The following FREM1 variants were observed in gnomAD, a reference collection of about 807,000 sequenced individuals.
The protein encoded by FREM1 is FRAS1-related extracellular matrix protein 1.
A neutral mutation model predicts 210.1 loss-of-function variants in FREM1; 220 were observed. That is an observed-to-expected ratio of 1.05 (90% CI 0.94 to 1.17). FREM1 has a LOEUF of 1.17. Ranked by LOEUF, FREM1 falls within the 50% of genes most tolerant of loss-of-function variation. The probability of loss-of-function intolerance (pLI) is 0.00; values close to 1 mark genes in which losing one functional copy is unlikely to be tolerated. For missense variants in FREM1, 3,454 were observed against 2,675.5 expected (o/e 1.29, Z -6.42); for synonymous variants, 1,189 against 980.2 (o/e 1.21, Z -3.98).
At position 14,750,215 on chromosome 9, in the gene FREM1, C is replaced by T; in HGVS notation, c.5469G>A (p.Glu1823=). ...ITYDGLEEDD[E]VFEVILNSPV... ...GGGAGTTCAGAATTACTTCAAAGAC[C>T]TCATCATCTTCCTCTAATCCGTCAT... The change falls in exon 30 of 37, where the codon GAG becomes GAA. Residue 1823 remains glutamate, a synonymous_variant. Transcript: ENST00000380880. 6.2e-7 allele frequency: 1 copy of T among 1,613,246 alleles called. No homozygotes were observed. Among genetic ancestry groups the T allele is most frequent in the Non-Finnish European group, 8.5e-7 (1 of 1,179,296 alleles).
intron 1 of FREM1, among the ~76,000 whole-genome samples, chr9:14,875,058 C>A (rs1211652079): frequency 2.0e-5 from 3 of 152,186 alleles, no homozygotes; most frequent in Non-Finnish European, 2.9e-5. Context: ...GATGGGCTTC[C>A]CTTTGTGGAT....
At chr9:14,787,220 G>A (rs1379486399) in intron 23 of FREM1, among the ~76,000 whole-genome samples, 1 of 151,902 alleles carries the variant, frequency 6.6e-6, no homozygotes, top group Non-Finnish European at 1.5e-5. Context: ...AACAATTATG[G>A]CTACAAAGTT....
chr9:14,786,732 T>C (rs1358483119), intron 23 of FREM1, among the ~76,000 whole-genome samples: 2 of 152,232 alleles, frequency 1.3e-5, no homozygotes, highest in African/African-American at 2.4e-5. Context: ...GGTCTTTTCA[T>C]ATACTATGCT....
chr9:14,888,108 T>A (rs1025292743), intron 1 of FREM1, among the ~76,000 whole-genome samples: 1 of 152,196 alleles, frequency 6.6e-6, no homozygotes, highest in Non-Finnish European at 1.5e-5. Context: ...AAAACCAACA[T>A]TTATACGTGT....
intron 29 of FREM1, among the ~76,000 whole-genome samples, chr9:14,755,987 T>C (rs1308498391): frequency 1.3e-5 from 2 of 152,216 alleles, no homozygotes; most frequent in Non-Finnish European, 2.9e-5. Context: ...AAATGCCCTT[T>C]AGGAATCCAT....
intron 19 of FREM1, among the ~76,000 whole-genome samples, chr9:14,802,510 A>G (rs1322780692): frequency 6.6e-6 from 1 of 151,668 alleles, no homozygotes; most frequent in Non-Finnish European, 1.5e-5. Context: ...TTCCTGAACT[A>G]CTCTTCCCAT....
intron 10 of FREM1, among the ~76,000 whole-genome samples, chr9:14,835,985 A>G (rs1484564798): frequency 6.6e-6 from 1 of 152,178 alleles, no homozygotes. Flanking sequence ...GAAAAAAGGG[A>G]CGGGTAACGT....
chr9:14,904,680 G>A (rs1817385836), intron 1 of FREM1, among the ~76,000 whole-genome samples: 1 of 152,204 alleles, frequency 6.6e-6, no homozygotes, highest in Non-Finnish European at 1.5e-5. Context: ...GGCAAGAGCT[G>A]AGGTACAGAC....
chr9:14,757,428 G>A (rs956050277), intron 28 of FREM1, among the ~76,000 whole-genome samples: 15 of 152,144 alleles, frequency 9.9e-5, no homozygotes, highest in African/African-American at 1.7e-4. Context: ...GGTGGCGGCC[G>A]CCTGTAATCC....
chr9:14,775,847 T>C lies in FREM1; in HGVS notation c.4799A>G (p.Asn1600Ser). 6.2e-7 allele frequency: 1 copy of C among 1,613,868 alleles called. No homozygotes were observed. Among genetic ancestry groups the C allele is most frequent in the Non-Finnish European group, 8.5e-7 (1 of 1,179,814 alleles). Residue 1600 changes from asparagine to serine, a missense_variant, in exon 25 of 37, where the codon AAC (asparagine) becomes AGC (serine). Asn to Ser is a conservative substitution (Grantham distance 46, BLOSUM62 1). Coordinates refer to ENST00000380880, the MANE Select transcript of FREM1 (RefSeq NM_001379081.2). ...CFTFMATDGT[N>S]QGFIVNGRVW... Reference sequence around the variant, plus strand: ...TCTCCCATTCACAATAAAGCCTTGGTTTGTCCCATCTGTGGCCATGAAAGT... The same window carrying C: ...TCTCCCATTCACAATAAAGCCTTGGCTTGTCCCATCTGTGGCCATGAAAGT...
At chr9:14,882,304 G>C (rs539098006) in intron 1 of FREM1, among the ~76,000 whole-genome samples, 6 of 151,898 alleles carry the variant, frequency 4.0e-5, no homozygotes, top group South Asian at 4.1e-4. Flanking sequence ...TAAGGTCAAA[G>C]TCCAAGATCC....
intron 8 of FREM1, among the ~76,000 whole-genome samples, chr9:14,844,225 CT>C (rs35686371): frequency 0.51 from 70,342 of 138,600 alleles, 18,330 homozygotes; most frequent in South Asian, 0.69. Flanking sequence ...ACAACTCTTC[CT>C]TTTTTTTTTT....
intron 3 of FREM1, among the ~76,000 whole-genome samples, chr9:14,860,781 A>ATGAG (rs1564101499): frequency 3.3e-4 from 21 of 63,468 alleles, no homozygotes; most frequent in African/African-American, 1.7e-3. Context: ...ACACATATAT[A>ATGAG]CATATATACA....
At chr9:14,907,560 C>A (rs1817987745) in intron 1 of FREM1, among the ~76,000 whole-genome samples, 1 of 152,186 alleles carries the variant, frequency 6.6e-6, no homozygotes, top group Non-Finnish European at 1.5e-5. Flanking sequence ...AAGAGGCTGC[C>A]CTCCTATGTA....
At position 14,841,495 on chromosome 9, in the gene FREM1, T is replaced by C. The variant is rs1382051857; in HGVS notation, c.1833A>G (p.Gln611=). 5.6e-6 allele frequency: 9 copies of C among 1,612,280 alleles called. No homozygotes were observed. The highest frequency in any genetic ancestry group is 2.2e-5 in the East Asian group (1 of 44,842). The change falls in exon 10 of 37, where the codon CAA becomes CAG. Residue 611 remains glutamine, a synonymous_variant. Coordinates refer to ENST00000380880, the MANE Select transcript of FREM1 (RefSeq NM_001379081.2). ...FGGEIFEDSF[Q]FVLWDSHEPP... ...GTTCATGGCTGTCCCACAGGACAAATTGAAAAGAATCTTCAAAGATTTCTC... is the reference window on the plus strand; with the variant it reads ...GTTCATGGCTGTCCCACAGGACAAACTGAAAAGAATCTTCAAAGATTTCTC...
chr9:14,773,243 G>A (rs773203643), intron 25 of FREM1, among the ~76,000 whole-genome samples: 2 of 152,084 alleles, frequency 1.3e-5, no homozygotes, highest in Non-Finnish European at 2.9e-5. Context: ...CAATAATCTT[G>A]GTCAGACAGA....
intron 2 of FREM1, among the ~76,000 whole-genome samples, chr9:14,865,698 T>TGTGTGTGTGTGC (rs759644257): frequency 7.4e-4 from 111 of 150,634 alleles, no homozygotes; most frequent in African/African-American, 2.7e-3. Context: ...TGTGTGTGTG[T>TGTGTGTGTGTGC]GCACATGCAC....
rs190010838 is a variant in FREM1, at chr9:14,853,198, T to C, written c.829-1591A>G. ...AGGGCTCATATCTGAGGAAGCTAAC[T>C]GGCTGGAAGCAAAAAAAATGATGGC... On this transcript the variant is annotated intron_variant, in intron 5 of 36. Transcript: ENST00000380880. 2.0e-5 allele frequency among the ~76,000 whole-genome samples: 3 copies of C among 152,300 alleles called. No homozygotes were observed. The East Asian group carries it at 5.8e-4, about 29-fold the overall frequency.
chr9:14,844,868 C>T (rs1408632907), intron 8 of FREM1, among the ~76,000 whole-genome samples: 1 of 152,168 alleles, frequency 6.6e-6, no homozygotes, highest in Non-Finnish European at 1.5e-5. Context: ...CTTCAAGCCT[C>T]AAATACATGA....
Sources: allele counts gnomAD v4.1 joint callset (sites outside exome capture counted in the v4.1 genomes callset), GRCh38; gene constraint gnomAD v4.1.1; transcripts MANE v1.5; gene names NCBI Gene and HGNC (gene_info 2026-07-23, HGNC 2026-07-21).